The following RGS6 variants were observed in gnomAD, a reference collection of about 807,000 sequenced individuals.
RGS6 encodes regulator of G-protein signaling 6.
A neutral mutation model predicts 78.5 loss-of-function variants in RGS6; 30 were observed. That is an observed-to-expected ratio of 0.38 (90% CI 0.29 to 0.52). The LOEUF is 0.52. RGS6 is among the 20% of genes least tolerant of loss of function. The pLI, the probability that RGS6 is intolerant of heterozygous loss-of-function variation, is 0.85. For missense variants in RGS6, 495 were observed against 609.7 expected (o/e 0.81, Z 1.98); for synonymous variants, 206 against 206.0 (o/e 1.00, Z 0.00).
chr14:71,878,569 A>G, the RGS6 span, among the ~76,000 whole-genome samples: 2 of 152,176 alleles, frequency 1.3e-5, no homozygotes, highest in African/African-American at 4.8e-5. Context: ...CCAATTTTCC[A>G]GGTGCCGTCT....
chr14:72,484,166 A>G (rs2096442025), intron 12 of RGS6, among the ~76,000 whole-genome samples: 1 of 152,134 alleles, frequency 6.6e-6, no homozygotes, highest in Non-Finnish European at 1.5e-5. Flanking sequence ...ACCCCCTTTA[A>G]TATTCCAATT....
At chr14:72,430,018 CGCAGCCATGCT>C (rs1475217446) in intron 3 of RGS6, among the ~76,000 whole-genome samples, 1 of 152,158 alleles carries the variant, frequency 6.6e-6, no homozygotes, top group African/African-American at 2.4e-5. Flanking sequence ...CTGAGGCCTC[CGCAGCCATGCT>C]GAACTGTGAG....
chr14:72,266,926 TCCACCACCTGTGAGCAGCCA>T (rs2059156992), intron 2 of RGS6, among the ~76,000 whole-genome samples: 1 of 152,124 alleles, frequency 6.6e-6, no homozygotes, highest in African/African-American at 2.4e-5. Context: ...CTGACCCCAG[TCCACCACCTGTGAGCAGCCA>T]CCACCACCTG....
intron 3 of RGS6, among the ~76,000 whole-genome samples, chr14:72,452,907 G>A (rs1175096434): frequency 2.0e-5 from 3 of 152,188 alleles, no homozygotes; most frequent in Non-Finnish European, 2.9e-5. Flanking sequence ...CATTTTCAAA[G>A]AGAGGCAGAC....
chr14:72,420,698 C>T (rs932195511), intron 3 of RGS6, among the ~76,000 whole-genome samples: 3 of 152,170 alleles, frequency 2.0e-5, no homozygotes, highest in African/African-American at 7.2e-5. Flanking sequence ...AGTAATTTAG[C>T]TGCTACCAAG....
chr14:72,428,051 G>T (rs751331755), intron 3 of RGS6, among the ~76,000 whole-genome samples: 3 of 152,144 alleles, frequency 2.0e-5, no homozygotes, highest in South Asian at 2.1e-4. Context: ...AAGACCAAGC[G>T]GTAAAGGGAT....
At chr14:72,268,251 A>G (rs1039536955) in intron 2 of RGS6, among the ~76,000 whole-genome samples, 1 of 152,142 alleles carries the variant, frequency 6.6e-6, no homozygotes, top group African/African-American at 2.4e-5. Context: ...CTCTTTCGTT[A>G]ACCGAAGAAC....
chr14:72,444,477 G>C (rs1411358582), intron 3 of RGS6, among the ~76,000 whole-genome samples: 2 of 152,208 alleles, frequency 1.3e-5, no homozygotes, highest in Non-Finnish European at 2.9e-5. Flanking sequence ...AGGTCTTCTA[G>C]TCCTGGACGT....
At chr14:72,191,314 A>G (rs149630) in intron 2 of RGS6, among the ~76,000 whole-genome samples, 126,754 of 152,224 alleles carry the variant, frequency 0.83, 52,933 homozygotes, top group East Asian at 0.94. Flanking sequence ...AACTCACACC[A>G]TGCATGTGAC....
intron 12 of RGS6, among the ~76,000 whole-genome samples, chr14:72,486,031 C>T (rs2096483008): frequency 6.6e-6 from 1 of 152,154 alleles, no homozygotes; most frequent in Admixed American, 6.5e-5. Flanking sequence ...TTGAATCATG[C>T]TGGTGTTTTC....
chr14:72,183,893 C>T (rs1358014949), intron 2 of RGS6, among the ~76,000 whole-genome samples: 5 of 152,124 alleles, frequency 3.3e-5, no homozygotes, highest in African/African-American at 4.8e-5. Flanking sequence ...TGTAGTTGCT[C>T]GTGTTGGCTC....
At position 71,976,074 on chromosome 14, in the gene RGS6, A is replaced by G. The variant is rs143834704; in HGVS notation, c.84+11199A>G. Among the ~76,000 whole-genome samples the G allele has an allele frequency of 1.7e-3, 257 of 151,820 alleles. 1 individual carries two copies. Among genetic ancestry groups the G allele is most frequent in the African/African-American group, 5.9e-3 (246 of 41,490 alleles). On this transcript the variant is annotated intron_variant, in intron 2 of 17. Transcript: ENST00000553525. ...AAAATTTTCATTTAATTTTCTTTTT[A>G]TAGTTTCTAGTTTTCTGCTAAACTT...
the RGS6 span, among the ~76,000 whole-genome samples, chr14:71,907,152 C>T: frequency 6.6e-6 from 1 of 152,312 alleles, no homozygotes; most frequent in Admixed American, 6.5e-5. Context: ...GTGGTTCCTG[C>T]CCTCATGAGG....
At chr14:72,481,953 C>T (rs1017696715) in intron 12 of RGS6, among the ~76,000 whole-genome samples, 7 of 151,952 alleles carry the variant, frequency 4.6e-5, no homozygotes, top group African/African-American at 1.7e-4. Context: ...GGATTACAGG[C>T]ACCTGCCACC....
chr14:71,909,451 C>CAGACAGAG, the RGS6 span, among the ~76,000 whole-genome samples: 3 of 151,140 alleles, frequency 2.0e-5, no homozygotes, highest in Admixed American at 2.0e-4. Context: ...GTGTGAGAGA[C>CAGACAGAG]AGACAGAGAC....
chr14:72,164,425 C>T (rs905481542), intron 2 of RGS6, among the ~76,000 whole-genome samples: 1 of 152,100 alleles, frequency 6.6e-6, no homozygotes, highest in Non-Finnish European at 1.5e-5. Flanking sequence ...GCCATGAGGT[C>T]GGGCGGAGAA....
At chr14:72,399,689 T>G (rs572695767) in intron 3 of RGS6, among the ~76,000 whole-genome samples, 4,336 of 152,304 alleles carry the variant, frequency 0.028, 82 homozygotes, top group Non-Finnish European at 0.046. Context: ...TTTCCATGTT[T>G]AGTGCTTCCT....
chr14:72,337,273 C>A (rs1015593109), intron 2 of RGS6, among the ~76,000 whole-genome samples: 4 of 148,756 alleles, frequency 2.7e-5, no homozygotes, highest in African/African-American at 1.0e-4. Context: ...CTAACCAACA[C>A]CCCCTCCCCT....
At chr14:71,996,216 T>C (rs920510180) in intron 2 of RGS6, among the ~76,000 whole-genome samples, 58 of 151,036 alleles carry the variant, frequency 3.8e-4, no homozygotes, top group African/African-American at 1.4e-3. Flanking sequence ...CCCACACCAA[T>C]TGTTTCCCCC....
Sources: gnomAD v4.1 joint callset for allele counts (sites outside exome capture counted in the v4.1 genomes callset) on GRCh38, gnomAD v4.1.1 for gene constraint, MANE v1.5 for transcripts, NCBI Gene and HGNC (gene_info 2026-07-23, HGNC 2026-07-21) for gene names.